Variants in ZNF718 observed in about 807,000 individuals in gnomAD.
ZNF718 encodes zinc finger protein 718.
In ZNF718, 3 loss-of-function variants were observed where a neutral mutation model predicts 2.6. The observed-to-expected ratio is 1.16, with a 90% CI of 0.53 to 3.01. The LOEUF (loss-of-function observed/expected upper bound fraction) is 3.01, where lower values mean the gene tolerates loss of function less well. Ranked by LOEUF, ZNF718 falls within the 30% of genes most tolerant of loss-of-function variation. ZNF718 has a pLI of 0.03. For synonymous variants in ZNF718, 135 were observed against 77.9 expected (o/e 1.73, Z -3.86); for missense variants, 468 against 230.0 (o/e 2.03, Z -6.69).
intron 3 of ZNF718, among the ~76,000 whole-genome samples, chr4:193,952 G>C (rs1408121503): frequency 7.2e-5 from 11 of 152,152 alleles, no homozygotes; most frequent in Admixed American, 3.9e-4. Flanking sequence ...TGTCCTTGTA[G>C]ACCGCACTGG....
At chr4:143,572 G>A (rs2108789120) in intron 3 of ZNF718, among the ~76,000 whole-genome samples, 1 of 152,282 alleles carries the variant, frequency 6.6e-6, no homozygotes, top group South Asian at 2.1e-4. Flanking sequence ...AAAACAAAAT[G>A]GAGTTGCTTG....
At chr4:141,727 TTA>T (rs1488527252) in intron 3 of ZNF718, among the ~76,000 whole-genome samples, 3 of 152,222 alleles carry the variant, frequency 2.0e-5, no homozygotes, top group Admixed American at 2.0e-4. Context: ...ATTATGGTTA[TTA>T]TGTTATTATA....
rs1716989036 is a variant in ZNF718 at position 163,377 on chromosome 4, A to G, written c.*1255A>G. 1 of 151,866 alleles carries G rather than the reference A, an allele frequency of 6.6e-6. No individual in the cohort carries two copies. Among genetic ancestry groups the G allele is most frequent in the South Asian group, 2.1e-4 (1 of 4,812 alleles). 9.4% of individuals were successfully genotyped at this position (151,866 alleles called of 1,614,324 possible). ...CTAATTTTTTGTATTTTTAGTAGAG[A>G]CGGGGTTTCACCGTTTTAGCCGGGA... is the stretch of plus-strand genomic sequence containing the variant. On this transcript the variant is annotated 3_prime_UTR_variant, in exon 4 of 4. Transcript: ENST00000510175.
In ZNF718 at chr4:160,991, A is replaced by G. The variant is rs781941722; in HGVS notation, c.306A>G (p.Gly102=). ...CATTCCACAAACTTATACCAAAAGG[A>G]CATGAGAAACGTGGACATGAGAATT... ...EDSFHKLIPK[G]HEKRGHENLR... is the part of the protein sequence containing the mutation. The change falls in exon 4 of 4, where the codon GGA becomes GGG. Residue 102 remains glycine (G), a synonymous_variant. Transcript: ENST00000510175. 3 of 781,046 alleles carry G rather than the reference A, an allele frequency of 3.8e-6. No individual in the cohort carries two copies. Among genetic ancestry groups the G allele is most frequent in the Non-Finnish European group, 7.2e-6 (3 of 418,110 alleles). The allele number at this position is 781,046 out of a possible 1,614,324, so 48.4% of individuals were successfully genotyped here. A position where few individuals can be genotyped will look rare whatever the true frequency, so the allele number is the denominator to read the frequency against.
intron 3 of ZNF718, among the ~76,000 whole-genome samples, chr4:142,413 A>T (rs1224845854): frequency 2.0e-5 from 3 of 152,246 alleles, no homozygotes; most frequent in African/African-American, 7.2e-5. Context: ...AAGCCCAGTC[A>T]GTGTAAGTAA....
intron 3 of ZNF718, among the ~76,000 whole-genome samples, chr4:189,428 A>C (rs1717650626): frequency 6.6e-6 from 1 of 151,928 alleles, no homozygotes; most frequent in South Asian, 2.1e-4. Flanking sequence ...TTCTTGACTT[A>C]ATTTTTAGTA....
At chr4:125,183 C>A in intron 1 of ZNF718, 1 of 156,924 alleles carries the variant, frequency 6.4e-6, no homozygotes, top group South Asian at 1.8e-4. Context: ...ACTTTGCCGC[C>A]AGTCCCCTTG....
chr4:134,943 G>C (rs1010290626), intron 3 of ZNF718, among the ~76,000 whole-genome samples: 1 of 152,024 alleles, frequency 6.6e-6, no homozygotes, highest in Non-Finnish European at 1.5e-5. Flanking sequence ...CTCAGTTAAT[G>C]TAGAAAGTTT....
chr4:124,823 T>C, intron 1 of ZNF718, 150 bp downstream of exon 1: 1 of 1,050,674 alleles, frequency 9.5e-7, no homozygotes, highest in East Asian at 2.6e-5. Context: ...CTCTTGTCAG[T>C]CCCCGTACAG....
At chr4:149,324 C>A (rs1486628977) in intron 3 of ZNF718, among the ~76,000 whole-genome samples, 1 of 152,102 alleles carries the variant, frequency 6.6e-6, no homozygotes, top group Admixed American at 6.6e-5. Flanking sequence ...GCCAAAGATT[C>A]AAAATCCCGG....
chr4:168,519 T>C (rs187572456), downstream of ZNF718, among the ~76,000 whole-genome samples: 118 of 152,294 alleles, frequency 7.7e-4, no homozygotes, highest in African/African-American at 2.7e-3. Context: ...AATTATTGCC[T>C]CAATTTCAGA....
chr4:148,154 A>G (rs782426794), intron 3 of ZNF718, among the ~76,000 whole-genome samples: 7 of 152,168 alleles, frequency 4.6e-5, no homozygotes, highest in Non-Finnish European at 4.4e-5. Context: ...TCTAGCGGAC[A>G]GGGAATGGCG....
intron 1 of ZNF718, chr4:124,942 G>C (rs782724897): frequency 7.4e-6 from 3 of 406,922 alleles, no homozygotes; most frequent in East Asian, 5.2e-5. Context: ...CACCGCGGCG[G>C]CCTGCGCGGT....
At chr4:175,114 A>C (rs1717321150) in intron 3 of ZNF718, among the ~76,000 whole-genome samples, 1 of 152,230 alleles carries the variant, frequency 6.6e-6, no homozygotes, top group African/African-American at 2.4e-5. Context: ...CCAACAGGTT[A>C]CCAAATTAAC....
Position 161,697 on chromosome 4 carries a change from C to G in ZNF718, c.1012C>G (p.Pro338Ala), listed in dbSNP as rs1436248713. ...TAAGAGAATTCATACAGGAGAGAAACCCTACAAATGTGAAGAATGTGGAAA... is the reference window on the plus strand; with the variant it reads ...TAAGAGAATTCATACAGGAGAGAAAGCCTACAAATGTGAAGAATGTGGAAA... ...KHKRIHTGEKPYKCEECGKSF... is the reference protein window; with the variant it reads ...KHKRIHTGEKAYKCEECGKSF... The change falls in exon 4 of 4, where the codon CCC (proline) becomes GCC (alanine). Residue 338 changes from proline to alanine, a missense_variant. Transcript: ENST00000510175. 5.1e-6 allele frequency: 4 copies of G among 778,866 alleles called. No homozygotes were observed. Among genetic ancestry groups the G allele is most frequent in the African/African-American group, 1.7e-5 (1 of 59,014 alleles). The allele number at this position is 778,866 out of a possible 1,614,324, so 48.2% of individuals were successfully genotyped here.
chr4:179,912 A>T (rs782390287), intron 3 of ZNF718, among the ~76,000 whole-genome samples: 13 of 152,196 alleles, frequency 8.5e-5, no homozygotes, highest in Non-Finnish European at 1.5e-4. Context: ...AAAACATCAT[A>T]TATGTTTTAT....
intron 3 of ZNF718, among the ~76,000 whole-genome samples, chr4:178,682 G>T (rs1293301080): frequency 6.6e-6 from 1 of 152,104 alleles, no homozygotes; most frequent in Non-Finnish European, 1.5e-5. Context: ...TTGGCCATTT[G>T]CATAGCCTTT....
At chr4:179,989 G>T (rs782622278) in intron 3 of ZNF718, among the ~76,000 whole-genome samples, 2 of 151,888 alleles carry the variant, frequency 1.3e-5, no homozygotes, top group Non-Finnish European at 2.9e-5. Context: ...GAGAGAAAAA[G>T]AAACAAAATG....
At chr4:150,814 A>C (rs1479455536) in intron 3 of ZNF718, among the ~76,000 whole-genome samples, 1 of 152,178 alleles carries the variant, frequency 6.6e-6, no homozygotes, top group Middle Eastern at 3.2e-3. Context: ...AAAAATTAAA[A>C]ATAGAACTAA....
Sources: allele counts gnomAD v4.1 joint callset (sites outside exome capture counted in the v4.1 genomes callset), GRCh38; gene constraint gnomAD v4.1.1; transcripts MANE v1.5; gene names NCBI Gene and HGNC (gene_info 2026-07-23, HGNC 2026-07-21).